Variants in SORCS1 observed in about 807,000 individuals in gnomAD.
The protein encoded by SORCS1 is sortilin related VPS10 domain containing receptor 1, also known as VPS10 domain-containing receptor SorCS1.
A neutral mutation model predicts 146.1 loss-of-function variants in SORCS1; 60 were observed. The observed-to-expected ratio is 0.41, with a 90% CI of 0.33 to 0.51. SORCS1 has a LOEUF of 0.51. SORCS1 is among the 20% of genes least tolerant of loss of function. The probability of loss-of-function intolerance (pLI) is 0.21; values close to 1 mark genes in which losing one functional copy is unlikely to be tolerated. For synonymous variants in SORCS1, 637 were observed against 584.0 expected, an observed-to-expected ratio of 1.09 and a Z score of -1.31; for missense variants, 1,352 against 1,487.6, an observed-to-expected ratio of 0.91 and a Z score of 1.50.
chr10:107,000,415 T>C (rs1025884955), intron 1 of SORCS1, among the ~76,000 whole-genome samples: 1 of 150,644 alleles, frequency 6.6e-6, no homozygotes, highest in Admixed American at 6.6e-5. Flanking sequence ...CTGGCCAGCA[T>C]GGTGAAACCC....
At chr10:106,839,897 C>T (rs1948949332) in intron 2 of SORCS1, among the ~76,000 whole-genome samples, 1 of 152,176 alleles carries the variant, frequency 6.6e-6, no homozygotes, top group African/African-American at 2.4e-5. Flanking sequence ...CTGTTTACAG[C>T]ATGGCTTATT....
rs565310988 is a variant in SORCS1 at position 107,079,587 on chromosome 10, A to C, written c.558+84382T>G. Among the ~76,000 whole-genome samples, 54 of 152,306 alleles carry C rather than the reference A, an allele frequency of 3.5e-4. 1 individual carries two copies. Among genetic ancestry groups the C allele is most frequent in the African/African-American group, 1.3e-3 (53 of 41,580 alleles). On this transcript the variant is annotated intron_variant, in intron 1 of 25. Transcript: ENST00000263054. ...TAAGGCAAAGAGCCAGAACACAGAA[A>C]GGCTGCTAGAGGCTGGGATGTCAGC...
At chr10:106,793,073 A>T (rs1365676828) in intron 3 of SORCS1, among the ~76,000 whole-genome samples, 1 of 152,196 alleles carries the variant, frequency 6.6e-6, no homozygotes, top group Non-Finnish European at 1.5e-5. Context: ...AAGACACTAA[A>T]TGCCTTATTA....
At chr10:107,075,195 T>C (rs995467151) in intron 1 of SORCS1, among the ~76,000 whole-genome samples, 3 of 152,158 alleles carry the variant, frequency 2.0e-5, no homozygotes, top group African/African-American at 7.2e-5. Flanking sequence ...ATCGAGAACT[T>C]GAGGTAATGA....
intron 10 of SORCS1, among the ~76,000 whole-genome samples, chr10:106,682,396 T>C (rs957622100): frequency 1.3e-5 from 2 of 152,192 alleles, no homozygotes; most frequent in African/African-American, 4.8e-5. Context: ...AAGGAAAATA[T>C]TCTGTGGCTT....
intron 18 of SORCS1, among the ~76,000 whole-genome samples, chr10:106,635,896 C>A: frequency 6.6e-6 from 1 of 152,110 alleles, no homozygotes; most frequent in East Asian, 1.9e-4. Context: ...GATATTTAGG[C>A]AGAGTAGGGA....
chr10:107,163,001 C>G (rs1406501200), intron 1 of SORCS1, among the ~76,000 whole-genome samples: 3 of 152,212 alleles, frequency 2.0e-5, no homozygotes, highest in Non-Finnish European at 4.4e-5. Flanking sequence ...TGGTTCTCTA[C>G]TATTTCAACT....
At chr10:106,854,571 C>A (rs1326964100) in intron 2 of SORCS1, among the ~76,000 whole-genome samples, 3 of 150,744 alleles carry the variant, frequency 2.0e-5, no homozygotes, top group African/African-American at 7.3e-5. Flanking sequence ...TTTAATTGAG[C>A]ATTTTATACG....
intron 2 of SORCS1, among the ~76,000 whole-genome samples, chr10:106,852,748 A>G (rs1949642577): frequency 1.3e-5 from 2 of 151,884 alleles, no homozygotes; most frequent in African/African-American, 4.8e-5. Flanking sequence ...CTATTGGTAT[A>G]TTATGTGATT....
chr10:106,899,108 G>C (rs1383982485), intron 2 of SORCS1, among the ~76,000 whole-genome samples: 1 of 152,124 alleles, frequency 6.6e-6, no homozygotes, highest in East Asian at 1.9e-4. Context: ...CCAGTAGAAC[G>C]TGGTAGTGCT....
In SORCS1 at chr10:106,772,444, T is replaced by TAATCAATC. The variant is rs531205148; in HGVS notation, c.885+4082_885+4089dup. ...CCACAATTACATGAGTAAATTCCCATAATCAATCAATCAATCAATCAATCA... is the reference window on the plus strand; with the variant it reads ...CCACAATTACATGAGTAAATTCCCATAATCAATCAATCAATCAATCAATCAATCAATCA... On this transcript the variant is annotated intron_variant, in intron 4 of 25. Transcript: ENST00000263054. Among the ~76,000 whole-genome samples, 556 of 151,712 alleles carry TAATCAATC rather than the reference T, an allele frequency of 3.7e-3. 5 individuals carry two copies. Among genetic ancestry groups the TAATCAATC allele is most frequent in the African/African-American group, 0.013 (533 of 41,274 alleles).
rs530399578 is a variant in SORCS1 at position 106,671,536 on chromosome 10, A to G, written c.2059-169T>C. On this transcript the variant is annotated intron_variant, in intron 15 of 25. Coordinates refer to ENST00000263054, the MANE Select transcript of SORCS1 (RefSeq NM_052918.5). ...TTTGCGGTCTAGAGCCCTATTATAC[A>G]ACCTGACTATAAAGGCAATCCTAAC... is the stretch of plus-strand genomic sequence containing the variant. 7.9e-5 allele frequency among the ~76,000 whole-genome samples: 12 copies of G among 152,312 alleles called. No individual in the cohort carries two copies. In the South Asian group the frequency reaches 2.5e-3, roughly 32 times the overall value.
intron 6 of SORCS1, among the ~76,000 whole-genome samples, chr10:106,710,789 T>A (rs1854923651): frequency 6.6e-6 from 1 of 152,144 alleles, no homozygotes; most frequent in Admixed American, 6.5e-5. Context: ...TCTTCTACTC[T>A]CTCTGTGATT....
intron 1 of SORCS1, among the ~76,000 whole-genome samples, chr10:107,119,250 T>C (rs918071250): frequency 3.3e-5 from 5 of 152,306 alleles, no homozygotes; most frequent in Middle Eastern, 3.4e-3. Flanking sequence ...ATCATGAAAG[T>C]GACTAGGATA....
chr10:106,611,219 T>C (rs1277065015), intron 22 of SORCS1, among the ~76,000 whole-genome samples: 2 of 152,160 alleles, frequency 1.3e-5, no homozygotes, highest in South Asian at 2.1e-4. Context: ...TTAGGAAGCT[T>C]TGTCAAATAC....
At chr10:106,917,211 C>A (rs944297267) in intron 2 of SORCS1, among the ~76,000 whole-genome samples, 15 of 152,152 alleles carry the variant, frequency 9.9e-5, no homozygotes, top group African/African-American at 3.6e-4. Context: ...ATGATTACCC[C>A]AATATACAGC....
In SORCS1 at chr10:106,686,378, C is replaced by G. The variant is rs772447112; in HGVS notation, c.1560+1814G>C. ...CATTTTTAATGGTTCATTTATGATG[C>G]CAGAGTCCCCAGGCAAGCCCATTTA... is the stretch of plus-strand genomic sequence containing the variant. On this transcript the variant is annotated intron_variant, in intron 10 of 25. Coordinates refer to ENST00000263054, the MANE Select transcript of SORCS1 (RefSeq NM_052918.5). Among the ~76,000 whole-genome samples the G allele has an allele frequency of 6.6e-5, 10 of 152,170 alleles. No homozygotes were observed. In the East Asian group the frequency reaches 1.9e-3, roughly 29 times the overall value.
At chr10:106,913,007 C>T (rs980061148) in intron 2 of SORCS1, among the ~76,000 whole-genome samples, 1 of 151,020 alleles carries the variant, frequency 6.6e-6, no homozygotes, top group Non-Finnish European at 1.5e-5. Flanking sequence ...TTTAAAGATT[C>T]ATATAGAGTT....
At chr10:106,957,467 T>C (rs1056722171) in intron 1 of SORCS1, among the ~76,000 whole-genome samples, 5 of 152,122 alleles carry the variant, frequency 3.3e-5, no homozygotes, top group African/African-American at 2.4e-5. Context: ...CCACCGCACC[T>C]GGCCTAGCAT....
Sources: allele counts gnomAD v4.1 joint callset (sites outside exome capture counted in the v4.1 genomes callset), GRCh38; gene constraint gnomAD v4.1.1; transcripts MANE v1.5; gene names NCBI Gene and HGNC (gene_info 2026-07-23, HGNC 2026-07-21).